The following THEMIS variants were observed in gnomAD, a reference collection of about 807,000 sequenced individuals.
The protein encoded by THEMIS is protein THEMIS.
In THEMIS, 37 loss-of-function variants were observed where a neutral mutation model predicts 52.6. The observed-to-expected ratio is 0.70, with a 90% CI of 0.54 to 0.93. THEMIS has a LOEUF of 0.93. Among genes scored for constraint, THEMIS ranks in the 40% least tolerant of loss-of-function variants. The probability of loss-of-function intolerance (pLI) is 0.00; values close to 1 mark genes in which losing one functional copy is unlikely to be tolerated. For missense variants in THEMIS, 808 were observed against 763.1 expected, an observed-to-expected ratio of 1.06 and a Z score of -0.69; for synonymous variants, 292 against 272.7, an observed-to-expected ratio of 1.07 and a Z score of -0.70.
In THEMIS at chr6:127,784,551, A is replaced by G. The variant is rs184492140; in HGVS notation, c.1758+28332T>C. Reference sequence around the variant, plus strand: ...CATTAAATCCTCTCACACACACACAATTCAGGGATTCATACACGACACAAA... The same window carrying G: ...CATTAAATCCTCTCACACACACACAGTTCAGGGATTCATACACGACACAAA... On this transcript the variant is annotated intron_variant, in intron 4 of 5. Transcript: ENST00000368248. Among the ~76,000 whole-genome samples the G allele has an allele frequency of 7.2e-5, 11 of 152,212 alleles. No homozygotes were observed. In the East Asian group the frequency reaches 2.1e-3, roughly 29 times the overall value.
intron 1 of THEMIS, among the ~76,000 whole-genome samples, chr6:127,886,562 T>C (rs1293595747): frequency 2.6e-5 from 4 of 152,242 alleles, no homozygotes; most frequent in Non-Finnish European, 5.9e-5. Context: ...TGGACCACAC[T>C]GTATAAGTCT....
intron 4 of THEMIS, among the ~76,000 whole-genome samples, chr6:127,734,911 ATATGTG>A (rs1296565117): frequency 5.0e-3 from 643 of 127,884 alleles, no homozygotes; most frequent in Non-Finnish European, 8.7e-3. Context: ...ATATATATAT[ATATGTG>A]TGTGTGTGTG....
At chr6:127,716,005 G>C (rs1056791116) in intron 5 of THEMIS, among the ~76,000 whole-genome samples, 2 of 151,840 alleles carry the variant, frequency 1.3e-5, no homozygotes, top group African/African-American at 4.8e-5. Flanking sequence ...TTCTAGCCCA[G>C]GGTTTGTCTT....
At chr6:127,713,453 T>A (rs917725190) in intron 5 of THEMIS, among the ~76,000 whole-genome samples, 9 of 151,828 alleles carry the variant, frequency 5.9e-5, no homozygotes, top group African/African-American at 2.2e-4. Flanking sequence ...AGCCAGACAC[T>A]TTCCTATAAC....
intron 1 of THEMIS, among the ~76,000 whole-genome samples, chr6:127,879,277 T>C (rs1477647776): frequency 6.6e-6 from 1 of 152,190 alleles, no homozygotes; most frequent in African/African-American, 2.4e-5. Context: ...CCTTTGTAAC[T>C]CTTATGTCTA....
At chr6:127,892,947 T>C (rs1166272555) in intron 1 of THEMIS, among the ~76,000 whole-genome samples, 1 of 152,176 alleles carries the variant, frequency 6.6e-6, no homozygotes, top group African/African-American at 2.4e-5. Flanking sequence ...TTTACATCTT[T>C]ATATTCACTT....
At chr6:127,797,309 C>T (rs1777362397) in intron 4 of THEMIS, among the ~76,000 whole-genome samples, 2 of 152,112 alleles carry the variant, frequency 1.3e-5, no homozygotes, top group South Asian at 4.2e-4. Flanking sequence ...GGAAACCATC[C>T]CATTGAGAAC....
chr6:127,833,062 G>A (rs1778754722), intron 2 of THEMIS, among the ~76,000 whole-genome samples: 1 of 151,816 alleles, frequency 6.6e-6, no homozygotes. Context: ...GGGATTACAG[G>A]TGTGAGCCAT....
intron 4 of THEMIS, among the ~76,000 whole-genome samples, chr6:127,759,342 A>T (rs1232422143): frequency 1.3e-5 from 2 of 152,184 alleles, no homozygotes; most frequent in Non-Finnish European, 2.9e-5. Context: ...ACACCAAAAT[A>T]TACATCTCTG....
the THEMIS span, among the ~76,000 whole-genome samples, chr6:127,698,436 A>G: frequency 2.0e-5 from 3 of 152,106 alleles, no homozygotes; most frequent in Admixed American, 1.3e-4. Context: ...TGTAAGGACA[A>G]TAGGAGAATA....
At chr6:127,762,789 C>T (rs1776067193) in intron 4 of THEMIS, among the ~76,000 whole-genome samples, 1 of 152,058 alleles carries the variant, frequency 6.6e-6, no homozygotes, top group Non-Finnish European at 1.5e-5. Flanking sequence ...ATTGACCTTG[C>T]TTTAATTTCT....
chr6:127,737,106 A>G (rs1277595634), intron 4 of THEMIS, among the ~76,000 whole-genome samples: 1 of 152,142 alleles, frequency 6.6e-6, no homozygotes, highest in African/African-American at 2.4e-5. Flanking sequence ...TAGTAATTAT[A>G]TATTCCCACC....
intron 4 of THEMIS, among the ~76,000 whole-genome samples, chr6:127,739,581 T>A (rs1017082172): frequency 2.4e-4 from 36 of 152,004 alleles, no homozygotes; most frequent in African/African-American, 7.5e-4. Context: ...GCGAGCTTAC[T>A]GTGAGCCGAG....
At chr6:127,771,334 C>A (rs1340434775) in intron 4 of THEMIS, among the ~76,000 whole-genome samples, 3 of 152,106 alleles carry the variant, frequency 2.0e-5, no homozygotes, top group African/African-American at 7.2e-5. Flanking sequence ...AATGGCCATA[C>A]TGCTCAAGGT....
At chr6:127,895,001 A>G (rs1780921636) in intron 1 of THEMIS, among the ~76,000 whole-genome samples, 1 of 148,680 alleles carries the variant, frequency 6.7e-6, no homozygotes, top group African/African-American at 2.4e-5. Context: ...ATTTATATGA[A>G]AAAAATGTAT....
chr6:127,701,267 T>G, the THEMIS span, among the ~76,000 whole-genome samples: 3 of 152,142 alleles, frequency 2.0e-5, no homozygotes, highest in Admixed American at 6.5e-5. Context: ...AAATACTATT[T>G]TGTGTCTAAT....
At chr6:127,801,697 T>C (rs2114563751) in intron 4 of THEMIS, among the ~76,000 whole-genome samples, 1 of 152,258 alleles carries the variant, frequency 6.6e-6, no homozygotes, top group South Asian at 2.1e-4. Flanking sequence ...CTGCGCTGCC[T>C]GAGGCAACGG....
chr6:127,799,529 CTCTTTCTTTCTT>C (rs66495087), intron 4 of THEMIS, among the ~76,000 whole-genome samples: 1 of 145,764 alleles, frequency 6.9e-6, no homozygotes, highest in African/African-American at 2.7e-5. Context: ...TTCTTTCTTT[CTCTTTCTTTCTT>C]TCTTTCTTTC....
chr6:127,727,023 T>C lies in THEMIS; in HGVS notation c.1759-7200A>G, dbSNP rs144675251. Reference sequence around the variant, plus strand: ...CTCTCAAAGATGTCAGCCTTGTCACTCCAGATATTGGACAATCATGCAAAA... The same window carrying C: ...CTCTCAAAGATGTCAGCCTTGTCACCCCAGATATTGGACAATCATGCAAAA... On this transcript the variant is annotated intron_variant, in intron 4 of 5. Coordinates refer to ENST00000368248, the MANE Select transcript of THEMIS (RefSeq NM_001010923.3). Among the ~76,000 whole-genome samples, 202 of 152,308 alleles carry C rather than the reference T, an allele frequency of 1.3e-3. 1 individual carries two copies. The highest frequency in any genetic ancestry group is 4.5e-3 in the African/African-American group (189 of 41,576).
Sources: allele counts gnomAD v4.1 joint callset (sites outside exome capture counted in the v4.1 genomes callset), GRCh38; gene constraint gnomAD v4.1.1; transcripts MANE v1.5; gene names NCBI Gene and HGNC (gene_info 2026-07-23, HGNC 2026-07-21).